The following ACSL1 variants were observed in gnomAD, a reference collection of about 807,000 sequenced individuals.
The protein encoded by ACSL1 is acyl-CoA synthetase long chain family member 1.
Under a neutral mutation model 98.4 loss-of-function variants are expected in ACSL1, and 41 were observed. The observed-to-expected ratio is 0.42, with a 90% CI of 0.32 to 0.54. The LOEUF (loss-of-function observed/expected upper bound fraction) is 0.54, where lower values mean the gene tolerates loss of function less well. Ranked by LOEUF, ACSL1 falls within the 20% of genes least tolerant of loss-of-function variation. The pLI is 0.13. For synonymous variants in ACSL1, 316 were observed against 322.7 expected (o/e 0.98, Z 0.22); for missense variants, 734 against 883.1 (o/e 0.83, Z 2.14).
chr4:184,778,227 A>C (rs763560100), intron 5 of ACSL1, among the ~76,000 whole-genome samples: 7 of 152,204 alleles, frequency 4.6e-5, no homozygotes, highest in Non-Finnish European at 1.0e-4. Context: ...CACCTTTCTA[A>C]TGAAATCATC....
intron 4 of ACSL1, among the ~76,000 whole-genome samples, chr4:184,781,957 C>T (rs1302835576): frequency 6.6e-6 from 1 of 152,212 alleles, no homozygotes; most frequent in East Asian, 1.9e-4. Context: ...CTCAAGAGTA[C>T]TCTTAAAGCA....
intron 2 of ACSL1, among the ~76,000 whole-genome samples, chr4:184,799,730 T>G (rs1168184594): frequency 6.6e-6 from 1 of 152,044 alleles, no homozygotes; most frequent in African/African-American, 2.4e-5. Context: ...ATGCCTATAG[T>G]CTTAGCTACT....
intron 4 of ACSL1, among the ~76,000 whole-genome samples, chr4:184,781,453 A>T (rs1766259454): frequency 6.6e-6 from 1 of 152,100 alleles, no homozygotes; most frequent in African/African-American, 2.4e-5. Context: ...AAATATAAAA[A>T]TGCATATTAT....
At chr4:184,802,553 C>T (rs1393954849) in intron 2 of ACSL1, among the ~76,000 whole-genome samples, 1 of 152,122 alleles carries the variant, frequency 6.6e-6, no homozygotes. Flanking sequence ...CACCAGTGAG[C>T]ATGCGGCCTC....
At position 184,773,568 on chromosome 4, in the gene ACSL1, C is replaced by T. The variant is rs560608938; in HGVS notation, c.841+95G>A. On this transcript the variant is annotated intron_variant, in intron 9 of 20. Coordinates refer to ENST00000281455, the MANE Select transcript of ACSL1 (RefSeq NM_001995.5). This position sits in a 1 kb window ranked among gnomAD's most constrained non-coding sequence, Gnocchi z 4.3. ...GCTTCCTTCTCTTCTGCTTTTGGTCCGTCTACTGTTAGCTGATAAGTCATC... is the reference window on the plus strand; with the variant it reads ...GCTTCCTTCTCTTCTGCTTTTGGTCTGTCTACTGTTAGCTGATAAGTCATC... 132 of 1,186,742 alleles carry T rather than the reference C, an allele frequency of 1.1e-4. No individual in the cohort carries two copies. Among genetic ancestry groups the T allele is most frequent in the Admixed American group, 2.1e-4 (8 of 37,324 alleles). The allele number at this position is 1,186,742 out of a possible 1,614,324, so 73.5% of individuals were successfully genotyped here. A position where few individuals can be genotyped will look rare whatever the true frequency, so the allele number is the denominator to read the frequency against.
chr4:184,776,407 T>C (rs1419477598), intron 7 of ACSL1, 77 bp downstream of exon 7: 2 of 1,495,564 alleles, frequency 1.3e-6, no homozygotes, highest in African/African-American at 1.4e-5. Flanking sequence ...TAGCACTAGA[T>C]AGCACTGGAT....
intron 1 of ACSL1, among the ~76,000 whole-genome samples, chr4:184,815,489 T>TA (rs1554025766): frequency 3.2e-4 from 48 of 151,510 alleles, no homozygotes; most frequent in African/African-American, 1.1e-3. Context: ...GACCCAGGCC[T>TA]GGGGGGGGAA....
chr4:184,806,838 C>G (rs1441663855), intron 1 of ACSL1, among the ~76,000 whole-genome samples: 1 of 152,206 alleles, frequency 6.6e-6, no homozygotes, highest in African/African-American at 2.4e-5. Flanking sequence ...ATTCATGCCT[C>G]TTAAATGGCA....
At chr4:184,813,824 C>A in intron 1 of ACSL1, 1 of 456,050 alleles carries the variant, frequency 2.2e-6, no homozygotes, top group South Asian at 1.5e-5. Flanking sequence ...CAGAGCTGGC[C>A]CCAAGCTATG....
chr4:184,786,447 C>T (rs1202669482), intron 3 of ACSL1, among the ~76,000 whole-genome samples: 1 of 148,684 alleles, frequency 6.7e-6, no homozygotes, highest in African/African-American at 2.4e-5. Flanking sequence ...CACACACACA[C>T]ACACACACAC....
intron 1 of ACSL1, among the ~76,000 whole-genome samples, chr4:184,816,656 G>A (rs770948777): frequency 2.0e-5 from 3 of 152,008 alleles, no homozygotes; most frequent in African/African-American, 4.8e-5. Context: ...TTATGTACCC[G>A]TGACTCCAAC....
At chr4:184,793,648 C>T (rs959983371) in intron 2 of ACSL1, among the ~76,000 whole-genome samples, 1 of 151,830 alleles carries the variant, frequency 6.6e-6, no homozygotes. Context: ...GGACGCAGGG[C>T]GAAAGTGAGA....
intron 1 of ACSL1, among the ~76,000 whole-genome samples, chr4:184,805,122 A>G (rs988463050): frequency 1.3e-5 from 2 of 152,240 alleles, no homozygotes; most frequent in African/African-American, 4.8e-5. Context: ...ATGAACAGAC[A>G]CTTCTCAAAA....
chr4:184,825,560 G>A lies in ACSL1; in HGVS notation c.-33+356C>T, dbSNP rs1461881465. On this transcript the variant is annotated intron_variant, in intron 1 of 20. Transcript: ENST00000281455. The surrounding 1 kb of genome is among the most constrained non-coding windows in gnomAD (Gnocchi z 4.7). ...CCAGCTGGGCCACCTCCTCCCAGCC[G>A]AAGCGCGGCCTCCGGCTGCTTCGCC... 1.3e-5 allele frequency among the ~76,000 whole-genome samples: 2 copies of A among 151,474 alleles called. No homozygotes were observed. Among genetic ancestry groups the A allele is most frequent in the African/African-American group, 2.4e-5 (1 of 41,380 alleles).
intron 1 of ACSL1, chr4:184,812,071 T>G: frequency 1.4e-4 from 85 of 599,252 alleles, no homozygotes; most frequent in East Asian, 2.8e-4. Context: ...ATCCCCTCTA[T>G]GAGAAGCAAT....
chr4:184,801,323 T>C (rs1770478316), intron 2 of ACSL1, among the ~76,000 whole-genome samples: 1 of 152,194 alleles, frequency 6.6e-6, no homozygotes, highest in Non-Finnish European at 1.5e-5. Context: ...GTGTAAACTT[T>C]ATTGGACAAG....
Position 184,776,582 on chromosome 4 carries a change from C to G in ACSL1, c.658G>C (p.Gly220Arg). Residue 220 changes from glycine to arginine, a missense_variant, in exon 7 of 21, where the codon GGC (glycine) becomes CGC (arginine). Transcript: ENST00000281455. ...LEGVENKLIP[G>R]LKIIVVMDAY... Reference sequence around the variant, plus strand: ...TCCATGACAACTATGATTTTAAGGCCTGGTATTAACTTATTTTCTACACCC... The same window carrying G: ...TCCATGACAACTATGATTTTAAGGCGTGGTATTAACTTATTTTCTACACCC... 6.2e-7 allele frequency: 1 copy of G among 1,614,110 alleles called. No homozygotes were observed. The highest frequency in any genetic ancestry group is 1.7e-5 in the Admixed American group (1 of 60,028).
At chr4:184,776,335 C>G in intron 7 of ACSL1, 149 bp downstream of exon 7, 1 of 754,634 alleles carries the variant, frequency 1.3e-6, no homozygotes, top group Non-Finnish European at 2.1e-6. Context: ...AGCAATGAGA[C>G]AGAAGTTTCT....
intron 17 of ACSL1, among the ~76,000 whole-genome samples, chr4:184,761,825 T>A (rs1254203849): frequency 6.6e-6 from 1 of 150,930 alleles, no homozygotes; most frequent in African/African-American, 2.4e-5. Context: ...CCAGAATTGA[T>A]GTTAAGCATC....
Sources: allele counts gnomAD v4.1 joint callset (sites outside exome capture counted in the v4.1 genomes callset), GRCh38; gene constraint gnomAD v4.1.1; non-coding constraint Gnocchi (gnomAD v3.1); transcripts MANE v1.5; gene names NCBI Gene and HGNC (gene_info 2026-07-23, HGNC 2026-07-21).